Variants in SEPTIN11 observed in about 807,000 individuals in gnomAD.
The protein encoded by SEPTIN11 is septin 11.
SEPTIN11 carries 25 observed loss-of-function variants against 51.4 expected under a neutral mutation model. The observed-to-expected ratio is 0.49, with a 90% CI of 0.35 to 0.68. SEPTIN11 has a LOEUF of 0.68. SEPTIN11 is among the 30% of genes least tolerant of loss of function. The pLI is 0.00. For synonymous variants in SEPTIN11, 174 were observed against 184.1 expected, an observed-to-expected ratio of 0.95 and a Z score of 0.44; for missense variants, 381 against 520.8, an observed-to-expected ratio of 0.73 and a Z score of 2.61.
At chr4:77,039,135 T>A (rs1176172471), downstream of SEPTIN11, 1 of 1,288,258 alleles carries the variant, frequency 7.8e-7, no homozygotes, top group East Asian at 5.5e-5. Flanking sequence ...CATAGAGCAT[T>A]AGAAGAGCAG....
rs563242098 is a variant in SEPTIN11 at position 76,968,770 on chromosome 4, A to T, written c.27+18840A>T. Among the ~76,000 whole-genome samples the T allele has an allele frequency of 2.6e-4, 39 of 152,334 alleles. No individual in the cohort carries two copies. The South Asian group carries it at 7.9e-3, about 31-fold the overall frequency. On this transcript the variant is annotated intron_variant, in intron 1 of 9. Transcript: ENST00000264893. ...GAATGTCCTAGTAGTGGGTTGAACC[A>T]CATGAAAGTTGATATCCAGCCATTT...
chr4:76,963,418 G>A (rs1159789513), intron 1 of SEPTIN11, among the ~76,000 whole-genome samples: 1 of 152,152 alleles, frequency 6.6e-6, no homozygotes, highest in African/African-American at 2.4e-5. Flanking sequence ...CTTTTTGATT[G>A]ATCAGGACTC....
chr4:77,038,024 C>A lies in SEPTIN11; in HGVS notation c.*3512C>A. On this transcript the variant is annotated 3_prime_UTR_variant, in exon 10 of 10. Transcript: ENST00000264893. ...TTGGGTGAGGTTTTTCAGCTGTTACCGACCCACGTCCTGCTGTCTCTGTGT... is the reference window on the plus strand; with the variant it reads ...TTGGGTGAGGTTTTTCAGCTGTTACAGACCCACGTCCTGCTGTCTCTGTGT... 1.0e-6 allele frequency: 1 copy of A among 985,766 alleles called. No homozygotes were observed. The highest frequency in any genetic ancestry group is 1.2e-6 in the Non-Finnish European group (1 of 829,924). 61.1% of individuals were successfully genotyped at this position (985,766 alleles called of 1,614,324 possible).
At chr4:76,959,170 C>G (rs1169063887) in intron 1 of SEPTIN11, 2 of 469,626 alleles carry the variant, frequency 4.3e-6, no homozygotes, top group East Asian at 9.7e-5. Context: ...TTTTACCATT[C>G]TTGGCTGCTG....
intron 2 of SEPTIN11, among the ~76,000 whole-genome samples, chr4:77,001,649 C>G (rs966430004): frequency 2.0e-5 from 3 of 152,166 alleles, no homozygotes; most frequent in Non-Finnish European, 4.4e-5. Context: ...CGTGCCTGGC[C>G]TGCAATTAAC....
At chr4:77,012,239 T>G (rs1328429645) in intron 4 of SEPTIN11, among the ~76,000 whole-genome samples, 1 of 152,126 alleles carries the variant, frequency 6.6e-6, no homozygotes. Flanking sequence ...TAAAAGGTGT[T>G]TAGAGGTTTG....
chr4:77,035,416 C>T lies in SEPTIN11; in HGVS notation c.*904C>T, dbSNP rs938928604. 1.0e-6 allele frequency: 1 copy of T among 985,298 alleles called. No individual in the cohort carries two copies. The highest frequency in any genetic ancestry group is 4.7e-5 in the South Asian group (1 of 21,290). The allele number at this position is 985,298 out of a possible 1,614,324, so 61.0% of individuals were successfully genotyped here. ...GGACCTGATGACTGATTCCAGGATA[C>T]TTGTACTTCTAATAACATTTTTCAT... On this transcript the variant is annotated 3_prime_UTR_variant, in exon 10 of 10. Coordinates refer to ENST00000264893, the MANE Select transcript of SEPTIN11 (RefSeq NM_018243.4).
At chr4:76,995,467 T>C (rs1352259445) in intron 1 of SEPTIN11, among the ~76,000 whole-genome samples, 1 of 151,724 alleles carries the variant, frequency 6.6e-6, no homozygotes, top group African/African-American at 2.4e-5. Context: ...GACTCCAGTA[T>C]TTTGAATATA....
At chr4:77,013,381 G>A (rs935668132) in intron 4 of SEPTIN11, among the ~76,000 whole-genome samples, 10 of 152,176 alleles carry the variant, frequency 6.6e-5, no homozygotes, top group Non-Finnish European at 1.5e-4. Context: ...GGTCATTTCA[G>A]AAAAGACTTT....
In SEPTIN11 at chr4:77,026,844, G is replaced by A. The variant is rs188594901; in HGVS notation, c.954-1785G>A. On this transcript the variant is annotated intron_variant, in intron 7 of 9. Coordinates refer to ENST00000264893, the MANE Select transcript of SEPTIN11 (RefSeq NM_018243.4). ...TCAAGAGTTTATTATAAGCTAATATGCAAAATTTCATGAATTATTTTATAG... is the reference window on the plus strand; with the variant it reads ...TCAAGAGTTTATTATAAGCTAATATACAAAATTTCATGAATTATTTTATAG... 3.5e-3 allele frequency among the ~76,000 whole-genome samples: 527 copies of A among 152,258 alleles called. 2 individuals carry two copies. The highest frequency in any genetic ancestry group is 0.01 in the Middle Eastern group (3 of 294).
intron 9 of SEPTIN11, among the ~76,000 whole-genome samples, chr4:77,032,599 C>A (rs1726736653): frequency 6.6e-6 from 1 of 152,078 alleles, no homozygotes; most frequent in South Asian, 2.1e-4. Flanking sequence ...TGTACACATA[C>A]ATCTATAGGT....
chr4:77,023,367 A>AATAATAT (rs1238431799), intron 7 of SEPTIN11, among the ~76,000 whole-genome samples: 1 of 147,658 alleles, frequency 6.8e-6, no homozygotes, highest in Non-Finnish European at 1.5e-5. Flanking sequence ...ATAATTATAT[A>AATAATAT]ATAATATATA....
chr4:77,038,711 A>C, downstream of SEPTIN11: 61 of 945,764 alleles, frequency 6.4e-5, no homozygotes, highest in Non-Finnish European at 6.8e-5. Flanking sequence ...TAAGAGTCTC[A>C]TGCTTTCCTG....
intron 3 of SEPTIN11, among the ~76,000 whole-genome samples, chr4:77,008,993 C>T (rs541762159): frequency 2.0e-5 from 3 of 152,174 alleles, no homozygotes; most frequent in Non-Finnish European, 4.4e-5. Flanking sequence ...ATCTCATCTA[C>T]AGGATGATGA....
chr4:77,019,798 T>G (rs1484904183), intron 6 of SEPTIN11, among the ~76,000 whole-genome samples: 3 of 152,190 alleles, frequency 2.0e-5, no homozygotes, highest in African/African-American at 7.2e-5. Context: ...CCTACTCTTA[T>G]GTTCTGAAGG....
intron 1 of SEPTIN11, among the ~76,000 whole-genome samples, chr4:76,974,207 A>G (rs942118449): frequency 6.6e-6 from 1 of 152,174 alleles, no homozygotes; most frequent in Non-Finnish European, 1.5e-5. Flanking sequence ...AATTGGGACA[A>G]AAACATCCCA....
intron 6 of SEPTIN11, among the ~76,000 whole-genome samples, chr4:77,020,189 C>A (rs1184049857): frequency 1.3e-5 from 2 of 152,116 alleles, no homozygotes; most frequent in African/African-American, 4.8e-5. Context: ...GTCTGCAAAG[C>A]AAGAGTCATG....
intron 4 of SEPTIN11, among the ~76,000 whole-genome samples, chr4:77,013,349 G>A (rs1725007692): frequency 6.6e-6 from 1 of 152,178 alleles, no homozygotes; most frequent in African/African-American, 2.4e-5. Context: ...TACAAGTAAA[G>A]GGAAGGGTTA....
chr4:76,985,873 C>T (rs949105103), intron 1 of SEPTIN11, among the ~76,000 whole-genome samples: 7 of 152,076 alleles, frequency 4.6e-5, no homozygotes, highest in Middle Eastern at 3.2e-3. Flanking sequence ...TTGGTGAAGT[C>T]GAATGAGGGC....
Sources: allele counts gnomAD v4.1 joint callset (sites outside exome capture counted in the v4.1 genomes callset), GRCh38; gene constraint gnomAD v4.1.1; transcripts MANE v1.5; gene names NCBI Gene and HGNC (gene_info 2026-07-23, HGNC 2026-07-21).